The following ZFPM2 variants were observed in gnomAD, a reference collection of about 807,000 sequenced individuals.
The protein encoded by ZFPM2 is zinc finger protein, FOG family member 2, also known as zinc finger protein ZFPM2.
A neutral mutation model predicts 98.6 loss-of-function variants in ZFPM2; 20 were observed. The observed-to-expected ratio is 0.20, with a 90% CI of 0.14 to 0.29. ZFPM2 has a LOEUF of 0.29. ZFPM2 is among the 10% of genes least tolerant of loss of function. ZFPM2 has a pLI of 1.00. For missense variants in ZFPM2, 1,310 were observed against 1,388.6 expected (o/e 0.94, Z 0.90); for synonymous variants, 518 against 502.7 (o/e 1.03, Z -0.41).
intron 4 of ZFPM2, among the ~76,000 whole-genome samples, chr8:105,607,151 A>G (rs1234352014): frequency 1.3e-5 from 2 of 152,130 alleles, no homozygotes; most frequent in Non-Finnish European, 2.9e-5. Flanking sequence ...AATGTTTTCT[A>G]TAGATTTACA....
intron 3 of ZFPM2, among the ~76,000 whole-genome samples, chr8:105,459,038 AT>A (rs1812654422): frequency 6.6e-6 from 1 of 151,990 alleles, no homozygotes; most frequent in African/African-American, 2.4e-5. Context: ...TCTACAAACC[AT>A]TTTCTTATTA....
intron 4 of ZFPM2, among the ~76,000 whole-genome samples, chr8:105,622,364 TA>T (rs1816569283): frequency 6.6e-6 from 1 of 152,144 alleles, no homozygotes; most frequent in African/African-American, 2.4e-5. Flanking sequence ...AGAAAGGAGT[TA>T]CTAAAATGTA....
At chr8:105,402,533 T>C (rs1421993047) in intron 1 of ZFPM2, among the ~76,000 whole-genome samples, 1 of 152,014 alleles carries the variant, frequency 6.6e-6, no homozygotes, top group Admixed American at 6.6e-5. Context: ...GGAATAAAAA[T>C]GGGATCCTTT....
At chr8:105,574,647 A>G (rs1363925220) in intron 4 of ZFPM2, among the ~76,000 whole-genome samples, 1 of 152,140 alleles carries the variant, frequency 6.6e-6, no homozygotes, top group Non-Finnish European at 1.5e-5. Context: ...GGAAGAGCAG[A>G]GGCACGTCAC....
intron 4 of ZFPM2, among the ~76,000 whole-genome samples, chr8:105,590,843 A>T (rs1233018754): frequency 6.6e-6 from 1 of 152,218 alleles, no homozygotes; most frequent in East Asian, 1.9e-4. Flanking sequence ...TTTACACAAG[A>T]CACATGGTCC....
At chr8:105,413,869 A>G (rs11989860) in intron 1 of ZFPM2, among the ~76,000 whole-genome samples, 38,584 of 151,828 alleles carry the variant, frequency 0.25, 5,147 homozygotes, top group Admixed American at 0.33. Context: ...AATGGGATAC[A>G]TTGGGAAGCT....
intron 3 of ZFPM2, among the ~76,000 whole-genome samples, chr8:105,558,893 A>G (rs192830793): frequency 1.4e-4 from 22 of 152,328 alleles, no homozygotes; most frequent in African/African-American, 5.3e-4. Flanking sequence ...AATTGTAAAT[A>G]AACTGTTTTA....
rs74437452 is a variant in ZFPM2, at chr8:105,727,955, A to T, written c.533-60763A>T. 3.8e-3 allele frequency among the ~76,000 whole-genome samples: 472 copies of T among 124,778 alleles called. 2 individuals carry two copies. The highest frequency in any genetic ancestry group is 5.2e-3 in the Non-Finnish European group (324 of 62,468). 81.9% of individuals were successfully genotyped at this position (124,778 alleles called of 152,430 possible). A position where few individuals can be genotyped will look rare whatever the true frequency, so the allele number is the denominator to read the frequency against. On this transcript the variant is annotated intron_variant, in intron 5 of 7. Transcript: ENST00000407775. ...AGTAAAGTAAGATCATAGTATGATT[A>T]AAAAAAAAAAAACAAAATCAAACAG...
rs1263364114 is a variant in ZFPM2 at position 105,489,464 on chromosome 8, ATAT to A, written c.301+45085_301+45087del. Among the ~76,000 whole-genome samples, 257 of 78,884 alleles carry A rather than the reference ATAT, an allele frequency of 3.3e-3. 4 individuals are homozygous for A. Among genetic ancestry groups the A allele is most frequent in the African/African-American group, 0.015 (243 of 15,888 alleles). The allele number at this position is 78,884 out of a possible 152,430, so 51.8% of individuals were successfully genotyped here. ...TATATGTTTTTATATATATATATAT[ATAT>A]TTTTTTTTTTTTTTGAGATGGAATC... On this transcript the variant is annotated intron_variant, in intron 3 of 7. Coordinates refer to ENST00000407775, the MANE Select transcript of ZFPM2 (RefSeq NM_012082.4).
chr8:105,364,789 TAGAC>T (rs1810476865), intron 1 of ZFPM2, among the ~76,000 whole-genome samples: 1 of 152,152 alleles, frequency 6.6e-6, no homozygotes, highest in African/African-American at 2.4e-5. Context: ...TATGTTCACT[TAGAC>T]AGCAACCAGC....
chr8:105,594,514 T>C (rs1563735122), intron 4 of ZFPM2, among the ~76,000 whole-genome samples: 1 of 152,136 alleles, frequency 6.6e-6, no homozygotes. Context: ...AGCCTAAATA[T>C]TAATAGTAAA....
intron 1 of ZFPM2, among the ~76,000 whole-genome samples, chr8:105,405,403 T>C (rs1811427059): frequency 6.6e-6 from 1 of 151,718 alleles, no homozygotes; most frequent in Non-Finnish European, 1.5e-5. Flanking sequence ...TAGCATTAGA[T>C]GTATCTCCTA....
At chr8:105,631,961 GTGAAA>G (rs1816762410) in intron 4 of ZFPM2, among the ~76,000 whole-genome samples, 1 of 151,916 alleles carries the variant, frequency 6.6e-6, no homozygotes, top group South Asian at 2.1e-4. Context: ...ATTATTTTTC[GTGAAA>G]TAAGATAATC....
rs1813915491 is a variant in ZFPM2 at position 105,798,880 on chromosome 8, C to G, written c.896C>G (p.Pro299Arg). The G allele has an allele frequency of 6.2e-7, 1 of 1,613,812 alleles. No individual in the cohort carries two copies. ...DSAHQISSLC[P>R]FPQCTKSFSN... ...GCCCATCAGATTTCCAGCCTGTGCC[C>G]CTTCCCACAGTGCACCAAGAGCTTT... is the stretch of plus-strand genomic sequence containing the variant. The change falls in exon 7 of 8, where the codon CCC becomes CGC. Residue 299 changes from proline (P) to arginine (R), a missense_variant. By Grantham distance (103) the Pro-to-Arg change is moderately radical. Coordinates refer to ENST00000407775, the MANE Select transcript of ZFPM2 (RefSeq NM_012082.4).
chr8:105,796,061 T>C (rs938181095), intron 6 of ZFPM2, among the ~76,000 whole-genome samples: 10 of 152,360 alleles, frequency 6.6e-5, no homozygotes, highest in African/African-American at 2.4e-4. Flanking sequence ...ATTAAAGAAA[T>C]TATCAGATGA....
intron 5 of ZFPM2, chr8:105,737,483 GTT>G (rs903116967): frequency 2.0e-5 from 3 of 150,940 alleles, no homozygotes; most frequent in African/African-American, 7.3e-5. Flanking sequence ...TATGCTTAAT[GTT>G]TTTCTGCTTT....
At chr8:105,753,149 T>C (rs934410852) in intron 5 of ZFPM2, among the ~76,000 whole-genome samples, 2 of 152,120 alleles carry the variant, frequency 1.3e-5, no homozygotes, top group African/African-American at 4.8e-5. Context: ...GGAGGATGCC[T>C]GGAATTAGCT....
At chr8:105,684,823 A>G (rs534591146) in intron 5 of ZFPM2, 1 of 152,030 alleles carries the variant, frequency 6.6e-6, no homozygotes. Flanking sequence ...ACGTGGTAGG[A>G]CATTTTAATC....
At chr8:105,422,019 C>A (rs1349179359) in intron 2 of ZFPM2, among the ~76,000 whole-genome samples, 1 of 141,908 alleles carries the variant, frequency 7.0e-6, no homozygotes, top group East Asian at 2.0e-4. Context: ...CGCACTCTAG[C>A]CTGTGCGACG....
Sources: allele counts gnomAD v4.1 joint callset (sites outside exome capture counted in the v4.1 genomes callset), GRCh38; gene constraint gnomAD v4.1.1; transcripts MANE v1.5; gene names NCBI Gene and HGNC (gene_info 2026-07-23, HGNC 2026-07-21).